The following RHOT1 variants were observed in gnomAD, a reference collection of about 807,000 sequenced individuals.
The protein encoded by RHOT1 is mitochondrial Rho GTPase 1.
In RHOT1, 27 loss-of-function variants were observed where a neutral mutation model predicts 95.3. The observed-to-expected ratio is 0.28, with a 90% CI of 0.21 to 0.39. The LOEUF is 0.39. Ranked by LOEUF, RHOT1 falls within the 10% of genes least tolerant of loss-of-function variation. The pLI is 1.00. For synonymous variants in RHOT1, 227 were observed against 263.5 expected, an observed-to-expected ratio of 0.86 and a Z score of 1.34; for missense variants, 578 against 786.7, an observed-to-expected ratio of 0.73 and a Z score of 3.17.
At chr17:32,199,849 G>A (rs1017669909) in intron 13 of RHOT1, among the ~76,000 whole-genome samples, 5 of 151,932 alleles carry the variant, frequency 3.3e-5, no homozygotes, top group Admixed American at 3.3e-4. Flanking sequence ...CATTGCTGTT[G>A]CACAATTCTT....
chr17:32,212,570 T>C (rs926248280), intron 19 of RHOT1, among the ~76,000 whole-genome samples: 2 of 152,244 alleles, frequency 1.3e-5, no homozygotes, highest in African/African-American at 2.4e-5. Flanking sequence ...TCATCTGGCC[T>C]AACCTCCTGT....
intron 1 of RHOT1, among the ~76,000 whole-genome samples, chr17:32,166,780 TTTC>T (rs1319570768): frequency 6.6e-6 from 1 of 152,232 alleles, no homozygotes; most frequent in Non-Finnish European, 1.5e-5. Flanking sequence ...TTCTAGCTCT[TTTC>T]TTGCTATTTC....
chr17:32,169,734 G>C (rs1425322321), intron 1 of RHOT1, among the ~76,000 whole-genome samples: 4 of 152,142 alleles, frequency 2.6e-5, no homozygotes, highest in African/African-American at 9.7e-5. Flanking sequence ...GGCCAGGTGT[G>C]GTGGCTCACA....
chr17:32,162,168 G>A (rs1032521321), intron 1 of RHOT1, among the ~76,000 whole-genome samples: 1 of 152,158 alleles, frequency 6.6e-6, no homozygotes, highest in Non-Finnish European at 1.5e-5. Flanking sequence ...TAATCATGTA[G>A]TTGGTTTTTC....
chr17:32,220,659 A>AC (rs1304738932), intron 19 of RHOT1, among the ~76,000 whole-genome samples: 1 of 151,664 alleles, frequency 6.6e-6, no homozygotes, highest in Non-Finnish European at 1.5e-5. Context: ...ACATGGTGAA[A>AC]CCCCATCTCT....
At chr17:32,224,097 G>GT (rs1380854388) in intron 19 of RHOT1, among the ~76,000 whole-genome samples, 4 of 152,116 alleles carry the variant, frequency 2.6e-5, no homozygotes, top group Non-Finnish European at 4.4e-5. Flanking sequence ...TTTTTGGGGG[G>GT]TTTTTTGTAA....
intron 17 of RHOT1, chr17:32,207,258 A>G (rs2037822905): frequency 2.6e-6 from 1 of 391,830 alleles, no homozygotes; most frequent in African/African-American, 2.1e-5. Flanking sequence ...TGCATTCCTG[A>G]TTGAGAACTT....
chr17:32,156,792 A>C (rs977870016), intron 1 of RHOT1, among the ~76,000 whole-genome samples: 2 of 152,204 alleles, frequency 1.3e-5, no homozygotes, highest in African/African-American at 4.8e-5. Flanking sequence ...CTGAATCCAG[A>C]TTTTCTGGCC....
intron 11 of RHOT1, among the ~76,000 whole-genome samples, chr17:32,197,126 TAAAA>T (rs908268621): frequency 3.5e-5 from 5 of 142,682 alleles, no homozygotes; most frequent in Non-Finnish European, 7.7e-5. Context: ...CCATCTCAAA[TAAAA>T]AAAAAAAGAA....
At chr17:32,165,592 TTAGTATAATA>T (rs1256790677) in intron 1 of RHOT1, among the ~76,000 whole-genome samples, 1 of 152,112 alleles carries the variant, frequency 6.6e-6, no homozygotes, top group Admixed American at 6.6e-5. Flanking sequence ...GATAACCACT[TTAGTATAATA>T]TATTCATCCA....
intron 19 of RHOT1, among the ~76,000 whole-genome samples, chr17:32,213,923 C>T (rs564608258): frequency 7.9e-5 from 12 of 152,218 alleles, no homozygotes; most frequent in Admixed American, 2.0e-4. Flanking sequence ...GAAATCAGTA[C>T]GTTTCGGTCA....
chr17:32,203,200 A>C (rs1352633096), intron 15 of RHOT1, among the ~76,000 whole-genome samples: 1 of 150,712 alleles, frequency 6.6e-6, no homozygotes, highest in Non-Finnish European at 1.5e-5. Context: ...TGAATTGAAT[A>C]TTGATATCTA....
chr17:32,202,847 A>G lies in RHOT1; in HGVS notation c.1279A>G (p.Lys427Glu). The G allele has an allele frequency of 6.2e-7, 1 of 1,613,442 alleles. No homozygotes were observed. The highest frequency in any genetic ancestry group is 8.5e-7 in the Non-Finnish European group (1 of 1,179,616). ...GTTCAGATGTAATGTAATTGGAGTG[A>G]AAAACTGTGGGAAAAGTGGAGTTCT... ...NVFRCNVIGV[K>E]NCGKSGVLQA... The change falls in exon 15 of 20, where the codon AAA becomes GAA. Residue 427 changes from lysine (K) to glutamate (E), a missense_variant. Transcript: ENST00000545287.
At chr17:32,198,442 C>T (rs1338622291) in intron 11 of RHOT1, among the ~76,000 whole-genome samples, 1 of 152,172 alleles carries the variant, frequency 6.6e-6, no homozygotes, top group East Asian at 1.9e-4. Context: ...GCTACAGTGG[C>T]TTATGCCTAT....
intron 1 of RHOT1, among the ~76,000 whole-genome samples, chr17:32,169,153 A>T (rs1046864157): frequency 1.3e-5 from 2 of 152,282 alleles, no homozygotes; most frequent in Admixed American, 1.3e-4. Flanking sequence ...CCAGACATTC[A>T]TTATTTTCCC....
intron 2 of RHOT1, among the ~76,000 whole-genome samples, chr17:32,172,589 T>G (rs1336525400): frequency 1.3e-5 from 2 of 152,202 alleles, no homozygotes; most frequent in African/African-American, 4.8e-5. Flanking sequence ...TCCCAGCACT[T>G]TGGGAGGCTG....
chr17:32,223,422 T>C (rs1426006506), intron 19 of RHOT1, among the ~76,000 whole-genome samples: 8 of 151,096 alleles, frequency 5.3e-5, no homozygotes, highest in Admixed American at 6.6e-5. Flanking sequence ...TCTTTCTTTT[T>C]TTTTTTTTTT....
At chr17:32,201,663 G>A (rs2037327132) in intron 14 of RHOT1, among the ~76,000 whole-genome samples, 1 of 152,182 alleles carries the variant, frequency 6.6e-6, no homozygotes, top group African/African-American at 2.4e-5. Context: ...TAAGAAAACA[G>A]TCACTAGCCA....
At chr17:32,171,249 C>G in intron 2 of RHOT1, 148 bp downstream of exon 2, 2 of 585,716 alleles carry the variant, frequency 3.4e-6, no homozygotes, top group African/African-American at 3.9e-5. Context: ...GAGACAGGGT[C>G]TCACTCTATT....
Sources: gnomAD v4.1 joint callset for allele counts (sites outside exome capture counted in the v4.1 genomes callset) on GRCh38, gnomAD v4.1.1 for gene constraint, MANE v1.5 for transcripts, NCBI Gene and HGNC (gene_info 2026-07-23, HGNC 2026-07-21) for gene names.